Variants in PTPN11 observed in about 807,000 individuals in gnomAD.
PTPN11 encodes protein tyrosine phosphatase non-receptor type 11.
PTPN11 carries 6 observed loss-of-function variants against 78.8 expected under a neutral mutation model. That is an observed-to-expected ratio of 0.08 (90% CI 0.04 to 0.15). The LOEUF is 0.15. Among genes scored for constraint, PTPN11 ranks in the 10% least tolerant of loss-of-function variants. The probability of loss-of-function intolerance (pLI) is 1.00; values close to 1 mark genes in which losing one functional copy is unlikely to be tolerated. For missense variants in PTPN11, 386 were observed against 744.8 expected, an observed-to-expected ratio of 0.52 and a Z score of 5.61; for synonymous variants, 221 against 263.5, an observed-to-expected ratio of 0.84 and a Z score of 1.56.
At chr12:112,474,496 G>A (rs1339142990) in intron 7 of PTPN11, among the ~76,000 whole-genome samples, 1 of 152,136 alleles carries the variant, frequency 6.6e-6, no homozygotes, top group Admixed American at 6.5e-5. Flanking sequence ...GGGATTACCA[G>A]TGCAAGCCAT....
At chr12:112,457,609 G>A (rs1482302372) in intron 6 of PTPN11, 1 of 152,240 alleles carries the variant, frequency 6.6e-6, no homozygotes. Flanking sequence ...TTCCACAATG[G>A]TTCAACTAAT....
At position 112,507,380 on chromosome 12, in the gene PTPN11, C is replaced by G. The variant is rs886048974; in HGVS notation, c.*1588C>G. The G allele has an allele frequency of 2.0e-5, 3 of 152,550 alleles. No individual in the cohort carries two copies. Among genetic ancestry groups the G allele is most frequent in the Admixed American group, 6.5e-5 (1 of 15,282 alleles). The allele number at this position is 152,550 out of a possible 1,614,324, so 9.4% of individuals were successfully genotyped here. A position where few individuals can be genotyped will look rare whatever the true frequency, so the allele number is the denominator to read the frequency against. On this transcript the variant is annotated 3_prime_UTR_variant, in exon 16 of 16. Transcript: ENST00000351677. ...CAGGGCTTTTGAGAGCAGCACCACC[C>G]CACTGGGGCATCCCCAGACTTGGGA... is the stretch of plus-strand genomic sequence containing the variant.
chr12:112,470,690 A>G (rs2038401207), intron 6 of PTPN11, among the ~76,000 whole-genome samples: 1 of 151,992 alleles, frequency 6.6e-6, no homozygotes, highest in Admixed American at 6.6e-5. Flanking sequence ...TTGGGTTCGT[A>G]AATGAAGGCC....
intron 1 of PTPN11, among the ~76,000 whole-genome samples, chr12:112,437,948 G>C (rs2037820172): frequency 6.6e-6 from 1 of 152,072 alleles, no homozygotes; most frequent in African/African-American, 2.4e-5. Flanking sequence ...GCATTTCCCT[G>C]AAAAATTACA....
chr12:112,421,517 G>A (rs924313368), intron 1 of PTPN11, among the ~76,000 whole-genome samples: 1 of 152,128 alleles, frequency 6.6e-6, no homozygotes, highest in Non-Finnish European at 1.5e-5. Context: ...GTCTCACTGT[G>A]TTGCCCAGGG....
At position 112,477,641 on chromosome 12, in the gene PTPN11, T is replaced by C. The variant is rs1327386260; in HGVS notation, c.854-10T>C. 1 of 1,606,896 alleles carries C rather than the reference T, an allele frequency of 6.2e-7. No homozygotes were observed. Among genetic ancestry groups the C allele is most frequent in the African/African-American group, 1.3e-5 (1 of 74,724 alleles). ...AGGACTTATGTGACCGTGGTCTCTT[T>C]TTCTTCTAGTTGATCATACCAGGGT... On this transcript the variant is annotated splice_polypyrimidine_tract_variant and intron_variant, in intron 7 of 15. Transcript: ENST00000351677.
intron 13 of PTPN11, 34 bp downstream of exon 13, chr12:112,489,209 T>C: frequency 6.2e-7 from 1 of 1,613,360 alleles, no homozygotes; most frequent in Non-Finnish European, 8.5e-7. Context: ...CGGATTCTCA[T>C]TCTCTTGCTA....
At chr12:112,442,103 A>T (rs2037902879) in intron 1 of PTPN11, among the ~76,000 whole-genome samples, 1 of 152,162 alleles carries the variant, frequency 6.6e-6, no homozygotes, top group African/African-American at 2.4e-5. Context: ...TGGTAACTAG[A>T]GAGGACTCCT....
chr12:112,466,701 A>G (rs2038330641), intron 6 of PTPN11, among the ~76,000 whole-genome samples: 1 of 152,218 alleles, frequency 6.6e-6, no homozygotes, highest in Non-Finnish European at 1.5e-5. Context: ...CCAAGAATTT[A>G]AAATATAAAA....
At chr12:112,475,928 A>C (rs1450658684) in intron 7 of PTPN11, among the ~76,000 whole-genome samples, 1 of 152,198 alleles carries the variant, frequency 6.6e-6, no homozygotes, top group Admixed American at 6.5e-5. Flanking sequence ...GCATGGTACT[A>C]GTGACCTTGA....
At chr12:112,496,681 C>G (rs1252995669) in intron 13 of PTPN11, among the ~76,000 whole-genome samples, 4 of 152,190 alleles carry the variant, frequency 2.6e-5, no homozygotes, top group Non-Finnish European at 4.4e-5. Context: ...GTCTCATTAT[C>G]ACCAACCTAT....
chr12:112,474,287 C>T (rs574522973), intron 7 of PTPN11, among the ~76,000 whole-genome samples: 7 of 152,176 alleles, frequency 4.6e-5, no homozygotes, highest in East Asian at 1.9e-4. Context: ...ACCTGGGAGG[C>T]GGAGGTTGCA....
intron 13 of PTPN11, 22 bp downstream of exon 13, chr12:112,489,197 T>G: frequency 1.2e-6 from 2 of 1,613,818 alleles, no homozygotes; most frequent in Middle Eastern, 1.6e-4. Context: ...AGGGCTGGCA[T>G]GCGGATTCTC....
chr12:112,421,180 A>G (rs995930880), intron 1 of PTPN11, among the ~76,000 whole-genome samples: 2 of 152,370 alleles, frequency 1.3e-5, no homozygotes, highest in Admixed American at 1.3e-4. Context: ...CATAATACAC[A>G]TAATTTTGAA....
chr12:112,460,582 G>T (rs1432686075), intron 6 of PTPN11, among the ~76,000 whole-genome samples: 1 of 152,082 alleles, frequency 6.6e-6, no homozygotes, highest in Non-Finnish European at 1.5e-5. Flanking sequence ...GGTGGCACAC[G>T]GCTGTCATTC....
chr12:112,436,009 A>AC (rs1486900780), intron 1 of PTPN11, among the ~76,000 whole-genome samples: 1 of 152,116 alleles, frequency 6.6e-6, no homozygotes, highest in South Asian at 2.1e-4. Context: ...ACATAGTGGG[A>AC]CCCCATCTCT....
chr12:112,489,541 C>G (rs1022983134), intron 13 of PTPN11, among the ~76,000 whole-genome samples: 1 of 152,214 alleles, frequency 6.6e-6, no homozygotes, highest in Admixed American at 6.5e-5. Flanking sequence ...TGATTCCATC[C>G]TTTAAAACGA....
At chr12:112,443,444 C>T (rs563028078) in intron 1 of PTPN11, among the ~76,000 whole-genome samples, 9 of 150,590 alleles carry the variant, frequency 6.0e-5, no homozygotes, top group African/African-American at 1.7e-4. Context: ...CTGCAACCTC[C>T]GTCTCCCGGG....
At chr12:112,423,904 T>C (rs1248850559) in intron 1 of PTPN11, among the ~76,000 whole-genome samples, 5 of 151,882 alleles carry the variant, frequency 3.3e-5, no homozygotes, top group Admixed American at 3.3e-4. Context: ...GCACGTGGCA[T>C]CAAACTTGTC....
Sources: gnomAD v4.1 joint callset for allele counts (sites outside exome capture counted in the v4.1 genomes callset) on GRCh38, gnomAD v4.1.1 for gene constraint, MANE v1.5 for transcripts, NCBI Gene and HGNC (gene_info 2026-07-23, HGNC 2026-07-21) for gene names.